The following CHUK variants were observed in gnomAD, a reference collection of about 807,000 sequenced individuals.
CHUK encodes component of inhibitor of nuclear factor kappa B kinase complex.
A neutral mutation model predicts 104.8 loss-of-function variants in CHUK; 35 were observed. That is an observed-to-expected ratio of 0.33 (90% CI 0.26 to 0.44). CHUK has a LOEUF of 0.44. CHUK is among the 20% of genes least tolerant of loss of function. The pLI is 1.00. For missense variants in CHUK, 663 were observed against 902.7 expected (o/e 0.73, Z 3.40); for synonymous variants, 276 against 291.9 (o/e 0.95, Z 0.56).
At chr10:100,187,183 T>C (rs894166291), downstream of CHUK, 1 of 152,120 alleles carries the variant, frequency 6.6e-6, no homozygotes, top group African/African-American at 2.4e-5. Context: ...TAGGGAAGTA[T>C]GGGAAAGCAG....
Position 100,193,803 on chromosome 10 carries a change from G to C in CHUK, c.1974+181C>G, listed in dbSNP as rs1314869371. The C allele has an allele frequency of 9.3e-6, 6 of 647,738 alleles. No individual in the cohort carries two copies. The Admixed American group carries it at 9.7e-5, about 11-fold the overall frequency. 40.1% of individuals were successfully genotyped at this position (647,738 alleles called of 1,614,324 possible). On this transcript the variant is annotated intron_variant, in intron 18 of 20. Transcript: ENST00000370397. ...AACAACAGAGAAATTGGAAAGGAGA[G>C]ATGATAATAAGTCCTGCATCTCAAT... is the stretch of plus-strand genomic sequence containing the variant.
Position 100,219,296 on chromosome 10 carries a change from A to T in CHUK, c.538T>A (p.Ser180Thr). Residue 180 changes from serine to threonine, a missense_variant, in exon 6 of 21, where the codon TCT becomes ACT. This residue lies in a region of CHUK where 200 missense variants were observed against 333.0 expected (regional missense o/e 0.60). Coordinates refer to ENST00000370397, the MANE Select transcript of CHUK (RefSeq NM_001278.5). ...KDVDQGSLCT[S>T]FVGTLQYLAP... ...AGATACTGCAGTGTTCCCACAAAAG[A>T]TGTACACAGACTTCCTTGATCAACA... The T allele has an allele frequency of 6.2e-7, 1 of 1,605,320 alleles. No homozygotes were observed. The highest frequency in any genetic ancestry group is 8.5e-7 in the Non-Finnish European group (1 of 1,171,960).
At chr10:100,199,151 T>C (rs1654509927) in intron 16 of CHUK, among the ~76,000 whole-genome samples, 1 of 152,184 alleles carries the variant, frequency 6.6e-6, no homozygotes, top group Non-Finnish European at 1.5e-5. Flanking sequence ...CCTTGCTCAG[T>C]ATTTAGCAGA....
At chr10:100,190,028 T>TC in intron 20 of CHUK, 1 of 162,526 alleles carries the variant, frequency 6.2e-6, no homozygotes, top group Non-Finnish European at 1.3e-5. Flanking sequence ...TCCTTTTTTT[T>TC]TTTTTTTTTC....
In CHUK at chr10:100,194,044, A is replaced by G; in HGVS notation, c.1914T>C (p.Thr638=). The stretch of plus-strand genomic sequence containing the variant: ...GCCTTTTTCCCTGCATGAACATGAC[A>G]GTATTGTCAGCTTCTTTGATATTAC... ...ALSNIKEADN[T]VMFMQGKRQK... is the part of the protein sequence containing the mutation. Residue 638 remains threonine, a synonymous_variant, in exon 18 of 21, where the codon ACT becomes ACC. Coordinates refer to ENST00000370397, the MANE Select transcript of CHUK (RefSeq NM_001278.5). The G allele has an allele frequency of 6.2e-7, 1 of 1,613,814 alleles. No individual in the cohort carries two copies. Among genetic ancestry groups the G allele is most frequent in the Admixed American group, 1.7e-5 (1 of 60,000 alleles).
At chr10:100,190,020 C>CT (rs10549639) in intron 20 of CHUK, 12,317 of 136,636 alleles carry the variant, frequency 0.09, 568 homozygotes, top group African/African-American at 0.12. Context: ...CACCATTATC[C>CT]TTTTTTTTTT....
In CHUK at chr10:100,209,582, T is replaced by G; in HGVS notation, c.1128+13A>C. The G allele has an allele frequency of 6.6e-7, 1 of 1,512,782 alleles. No homozygotes were observed. Among genetic ancestry groups the G allele is most frequent in the Non-Finnish European group, 9.2e-7 (1 of 1,087,910 alleles). The allele number at this position is 1,512,782 out of a possible 1,614,324, so 93.7% of individuals were successfully genotyped here. ...TTCACATACTCTAGGGATATTATAA[T>G]TAATTTTCTTACAACTCCATCTAGA... On this transcript the variant is annotated intron_variant, in intron 10 of 20. Transcript: ENST00000370397.
chr10:100,207,560 C>CA (rs759724864), intron 10 of CHUK, among the ~76,000 whole-genome samples: 114 of 152,068 alleles, frequency 7.5e-4, no homozygotes, highest in Admixed American at 3.2e-3. Context: ...AGAACAAATG[C>CA]AAAAAGATAT....
intron 16 of CHUK, among the ~76,000 whole-genome samples, chr10:100,196,312 TATC>T (rs908190945): frequency 2.0e-5 from 3 of 152,008 alleles, no homozygotes; most frequent in Non-Finnish European, 4.4e-5. Flanking sequence ...GCTACTAAAT[TATC>T]AACAAAAAAT....
intron 14 of CHUK, among the ~76,000 whole-genome samples, chr10:100,201,405 T>C (rs1021522255): frequency 1.2e-4 from 18 of 152,146 alleles, no homozygotes; most frequent in African/African-American, 4.3e-4. Flanking sequence ...CTACTGATAA[T>C]TATGGCAAGA....
intron 9 of CHUK, among the ~76,000 whole-genome samples, chr10:100,217,365 G>A (rs1845882290): frequency 6.6e-6 from 1 of 152,000 alleles, no homozygotes; most frequent in Non-Finnish European, 1.5e-5. Flanking sequence ...TAAGGAGTAA[G>A]TGCAGAGCCA....
chr10:100,209,739 T>C lies in CHUK; in HGVS notation c.984A>G (p.Leu328=). The C allele has an allele frequency of 6.4e-7, 1 of 1,553,446 alleles. No individual in the cohort carries two copies. The highest frequency in any genetic ancestry group is 8.9e-7 in the Non-Finnish European group (1 of 1,124,928). ...GTGAATGAAGACTTTCATCAGGTGG[T>C]AACAGAAAAGAAATTATCTTTGCAG... The part of the protein sequence containing the change: ...MTSAKIISFL[L]PPDESLHSLQ... Residue 328 remains leucine (L), a synonymous_variant, in exon 10 of 21, where the codon TTA becomes TTG. Transcript: ENST00000370397.
At chr10:100,190,208 G>A (rs1207471086) in intron 20 of CHUK, 3 of 153,884 alleles carry the variant, frequency 1.9e-5, no homozygotes, top group African/African-American at 7.3e-5. Context: ...TTTTTATAAA[G>A]ACAGGGTTTC....
chr10:100,188,859 A>T lies in CHUK; in HGVS notation c.*739T>A, dbSNP rs1845130868. ...GACTCATTTTTACAAATGAAAAAAC[A>T]TGTAATTTTCAAATACATTATAAAT... On this transcript the variant is annotated 3_prime_UTR_variant, in exon 21 of 21. Transcript: ENST00000370397. 1 of 152,264 alleles carries T rather than the reference A, an allele frequency of 6.6e-6. No individual in the cohort carries two copies. The highest frequency in any genetic ancestry group is 2.4e-5 in the African/African-American group (1 of 41,470). 9.4% of individuals were successfully genotyped at this position (152,264 alleles called of 1,614,324 possible).
intron 9 of CHUK, 113 bp from the exon 10 acceptor site, chr10:100,209,902 A>T (rs1845684557): frequency 1.7e-6 from 1 of 601,076 alleles, no homozygotes; most frequent in East Asian, 2.8e-5. Flanking sequence ...ACATTAAACA[A>T]GGCTCACTCA....
chr10:100,200,855 G>T, intron 14 of CHUK, 75 bp from the exon 15 acceptor site: 1 of 820,632 alleles, frequency 1.2e-6, no homozygotes. Flanking sequence ...CAGATCTTAA[G>T]GATACAGAAT....
rs1436504185 is a variant in CHUK at position 100,225,945 on chromosome 10, G to A, written c.178C>T (p.His60Tyr). The A allele has an allele frequency of 2.5e-6, 4 of 1,602,836 alleles. No individual in the cohort carries two copies. The South Asian group carries it at 4.4e-5, about 18-fold the overall frequency. ...TACTTCTTCATAATCTGGATTTCAT[G>A]GCACCATCGTTCTCTGTTTTTGGTA... is the stretch of plus-strand genomic sequence containing the variant. ...LSTKNRERWC[H>Y]EIQIMKKLNH... Residue 60 changes from histidine (H) to tyrosine (Y), a missense_variant, in exon 2 of 21, where the codon CAT (histidine) becomes TAT (tyrosine). Coordinates refer to ENST00000370397, the MANE Select transcript of CHUK (RefSeq NM_001278.5).
In CHUK at chr10:100,222,987, A is replaced by G. The variant is rs1412958040; in HGVS notation, c.201-7T>C. ...AACATTGGCATGGTTCAACCTAATA[A>G]GAAAGAAAAACATTACAATAAAAAA... On this transcript the variant is annotated splice_polypyrimidine_tract_variant and splice_region_variant and intron_variant, in intron 2 of 20. Coordinates refer to ENST00000370397, the MANE Select transcript of CHUK (RefSeq NM_001278.5). 1.4e-6 allele frequency: 2 copies of G among 1,418,498 alleles called. No individual in the cohort carries two copies. Among genetic ancestry groups the G allele is most frequent in the East Asian group, 2.3e-5 (1 of 43,860 alleles). The allele number at this position is 1,418,498 out of a possible 1,614,324, so 87.9% of individuals were successfully genotyped here. A position where few individuals can be genotyped will look rare whatever the true frequency, so the allele number is the denominator to read the frequency against.
At chr10:100,212,368 A>AT (rs1314735256) in intron 9 of CHUK, among the ~76,000 whole-genome samples, 16 of 152,180 alleles carry the variant, frequency 1.1e-4, no homozygotes, top group African/African-American at 3.9e-4. Context: ...TGTGGTTTTG[A>AT]TTTGCATCGC....
Sources: allele counts gnomAD v4.1 joint callset (sites outside exome capture counted in the v4.1 genomes callset), GRCh38; gene constraint gnomAD v4.1.1; regional missense constraint gnomAD v4.1.1; transcripts MANE v1.5; gene names NCBI Gene and HGNC (gene_info 2026-07-23, HGNC 2026-07-21).